Variants in PAPPA observed in about 807,000 individuals in gnomAD.
The protein encoded by PAPPA is pappalysin 1.
PAPPA carries 60 observed loss-of-function variants against 164.0 expected under a neutral mutation model. That is an observed-to-expected ratio of 0.37 (90% CI 0.30 to 0.45). The LOEUF (loss-of-function observed/expected upper bound fraction) is 0.45, where lower values mean the gene tolerates loss of function less well. PAPPA is among the 20% of genes least tolerant of loss of function. PAPPA has a pLI of 1.00. For synonymous variants in PAPPA, 875 were observed against 814.1 expected (o/e 1.07, Z -1.27); for missense variants, 1,782 against 2,087.3 (o/e 0.85, Z 2.85).
intron 8 of PAPPA, among the ~76,000 whole-genome samples, 197 bp downstream of exon 8, chr9:116,266,182 C>T (rs151004269): frequency 9.5e-4 from 145 of 152,280 alleles, no homozygotes; most frequent in African/African-American, 3.3e-3. Flanking sequence ...TTTTTGAACA[C>T]GTACATTTTG....
chr9:116,329,828 G>C (rs1212631513), intron 10 of PAPPA, among the ~76,000 whole-genome samples: 1 of 152,038 alleles, frequency 6.6e-6, no homozygotes, highest in Non-Finnish European at 1.5e-5. Flanking sequence ...TATCATCCTT[G>C]TATATGAATC....
intron 2 of PAPPA, among the ~76,000 whole-genome samples, chr9:116,194,827 G>T (rs1384792052): frequency 6.6e-6 from 1 of 152,022 alleles, no homozygotes; most frequent in African/African-American, 2.4e-5. Flanking sequence ...GTTCCTACAG[G>T]CTCATAAAAA....
chr9:116,190,522 C>T (rs1353136720), intron 2 of PAPPA, among the ~76,000 whole-genome samples: 1 of 152,188 alleles, frequency 6.6e-6, no homozygotes, highest in Non-Finnish European at 1.5e-5. Flanking sequence ...AGGTCCAAAC[C>T]TCCCATGGAA....
chr9:116,156,178 G>T (rs1564168900), intron 1 of PAPPA, among the ~76,000 whole-genome samples: 2 of 150,620 alleles, frequency 1.3e-5, no homozygotes, highest in Non-Finnish European at 2.9e-5. Context: ...GATTTGGAAG[G>T]CATTCCCTGG....
chr9:116,223,514 G>A (rs1304790465), intron 5 of PAPPA, among the ~76,000 whole-genome samples: 1 of 152,084 alleles, frequency 6.6e-6, no homozygotes, highest in African/African-American at 2.4e-5. Context: ...TAGTCAGTTG[G>A]TTCTTGAGGC....
intron 2 of PAPPA, among the ~76,000 whole-genome samples, chr9:116,204,152 A>C (rs1381657032): frequency 6.6e-6 from 1 of 152,204 alleles, no homozygotes; most frequent in Non-Finnish European, 1.5e-5. Flanking sequence ...TGGGATCCGC[A>C]TGAGCTAATT....
intron 1 of PAPPA, among the ~76,000 whole-genome samples, chr9:116,180,607 T>A (rs1340721410): frequency 3.9e-5 from 6 of 152,126 alleles, no homozygotes; most frequent in Non-Finnish European, 7.3e-5. Context: ...CTTCTATATC[T>A]ACTCTCCCAA....
intron 4 of PAPPA, among the ~76,000 whole-genome samples, chr9:116,215,637 C>G (rs1469254711): frequency 1.3e-5 from 2 of 152,052 alleles, no homozygotes; most frequent in African/African-American, 4.8e-5. Flanking sequence ...AAATTGCTAA[C>G]GGGTACTGGC....
rs920952452 is a variant in PAPPA at position 116,187,635 on chromosome 9, C to T, written c.897C>T (p.Pro299=). The T allele has an allele frequency of 2.5e-6, 4 of 1,614,224 alleles. No homozygotes were observed. In the East Asian group the frequency reaches 8.9e-5, roughly 36 times the overall value. Residue 299 remains proline, a synonymous_variant, in exon 2 of 22, where the codon CCC becomes CCT. Coordinates refer to ENST00000328252, the MANE Select transcript of PAPPA (RefSeq NM_002581.5). The surrounding 1 kb of genome is among the most constrained non-coding windows in gnomAD (Gnocchi z 4.2). ...NWDNVKHAWS[P]MKDGSSPKVE... Reference sequence around the variant, plus strand: ...ACAATGTGAAGCATGCCTGGTCCCCCATGAAGGATGGCAGCAGCCCCAAAG... The same window carrying T: ...ACAATGTGAAGCATGCCTGGTCCCCTATGAAGGATGGCAGCAGCCCCAAAG...
At chr9:116,241,535 C>T (rs1365495800) in intron 7 of PAPPA, among the ~76,000 whole-genome samples, 1 of 152,148 alleles carries the variant, frequency 6.6e-6, no homozygotes, top group Non-Finnish European at 1.5e-5. Context: ...AGTCCTTGAT[C>T]ACAGTTTGTG....
intron 10 of PAPPA, among the ~76,000 whole-genome samples, chr9:116,313,398 G>A (rs1564221235): frequency 1.3e-5 from 2 of 152,182 alleles, no homozygotes; most frequent in South Asian, 4.1e-4. Context: ...AGAGGCCCCT[G>A]GGGAAGTCAC....
At chr9:116,374,511 G>A (rs575750403) in intron 19 of PAPPA, among the ~76,000 whole-genome samples, 14 of 152,264 alleles carry the variant, frequency 9.2e-5, no homozygotes, top group East Asian at 1.9e-4. Context: ...CAGGTGGGGC[G>A]TGCAGCCCTG....
chr9:116,362,093 A>G (rs1564241676), intron 17 of PAPPA, among the ~76,000 whole-genome samples: 2 of 152,088 alleles, frequency 1.3e-5, no homozygotes, highest in Non-Finnish European at 2.9e-5. Flanking sequence ...ATGTCTTGGA[A>G]AAAAAGCTTC....
chr9:116,175,163 C>T (rs1216831426), intron 1 of PAPPA, among the ~76,000 whole-genome samples: 1 of 152,154 alleles, frequency 6.6e-6, no homozygotes, highest in African/African-American at 2.4e-5. Context: ...TAGATGGAAA[C>T]ATCGAGGGCC....
At chr9:116,328,465 T>C (rs17301196) in intron 10 of PAPPA, among the ~76,000 whole-genome samples, 25,313 of 152,226 alleles carry the variant, frequency 0.17, 2,452 homozygotes, top group Non-Finnish European at 0.22. Flanking sequence ...TCACCTAATT[T>C]GTCAGCAATG....
intron 10 of PAPPA, among the ~76,000 whole-genome samples, chr9:116,308,803 G>T (rs528385785): frequency 8.7e-4 from 132 of 152,304 alleles, no homozygotes; most frequent in African/African-American, 3.1e-3. Flanking sequence ...TTCACCCATT[G>T]CCCTTTCCAG....
At chr9:116,169,049 G>A (rs2118986546) in intron 1 of PAPPA, among the ~76,000 whole-genome samples, 1 of 152,274 alleles carries the variant, frequency 6.6e-6, no homozygotes, top group South Asian at 2.1e-4. Context: ...GAATGTGAGT[G>A]CTGTGAAGAA....
chr9:116,179,595 A>T (rs1843879083), intron 1 of PAPPA, among the ~76,000 whole-genome samples: 1 of 152,150 alleles, frequency 6.6e-6, no homozygotes, highest in African/African-American at 2.4e-5. Flanking sequence ...ACCCGGAGGG[A>T]TGAGGATGCT....
rs770911191 is a variant in PAPPA, at chr9:116,207,525, C to A, written c.1548C>A (p.Phe516Leu). 4.3e-6 allele frequency: 7 copies of A among 1,613,276 alleles called. No individual in the cohort carries two copies. Among genetic ancestry groups the A allele is most frequent in the South Asian group, 1.1e-5 (1 of 91,052 alleles). ...ATGGATCAACACATCTCAATATTTTCTTTGCAAAATCCTCAGAGGAGGAGT... is the reference window on the plus strand; with the variant it reads ...ATGGATCAACACATCTCAATATTTTATTTGCAAAATCCTCAGAGGAGGAGT... The part of the protein sequence containing the change: ...KLDGSTHLNI[F>L]FAKSSEEELA... Residue 516 changes from phenylalanine to leucine, a missense_variant, in exon 3 of 22, where the codon TTC becomes TTA. By Grantham distance (22) the Phe-to-Leu change is conservative (BLOSUM62 0). This residue lies in a region of PAPPA where 1,324 missense variants were observed against 1,656.9 expected (regional missense o/e 0.80). Transcript: ENST00000328252.
Sources: gnomAD v4.1 joint callset for allele counts (sites outside exome capture counted in the v4.1 genomes callset) on GRCh38, gnomAD v4.1.1 for gene constraint, gnomAD v4.1.1 regional missense constraint, Gnocchi (gnomAD v3.1) non-coding constraint, MANE v1.5 for transcripts, NCBI Gene and HGNC (gene_info 2026-07-23, HGNC 2026-07-21) for gene names.